CLVS1: variants seen among roughly 807,000 people sequenced by gnomAD.
CLVS1 encodes clavesin 1.
CLVS1 carries 10 observed loss-of-function variants against 33.1 expected under a neutral mutation model. That is an observed-to-expected ratio of 0.30 (90% CI 0.19 to 0.51). The LOEUF is 0.51. Ranked by LOEUF, CLVS1 falls within the 20% of genes least tolerant of loss-of-function variation. The probability of loss-of-function intolerance (pLI) is 0.97; values close to 1 mark genes in which losing one functional copy is unlikely to be tolerated. For missense variants in CLVS1, 343 were observed against 433.4 expected (o/e 0.79, Z 1.85); for synonymous variants, 163 against 166.1 (o/e 0.98, Z 0.14).
At chr8:61,309,377 T>C (rs551709945) in intron 2 of CLVS1, among the ~76,000 whole-genome samples, 38 of 152,300 alleles carry the variant, frequency 2.5e-4, no homozygotes, top group African/African-American at 8.7e-4. Flanking sequence ...TCCTGAAGGT[T>C]CCAAGGTTGC....
intron 1 of CLVS1, among the ~76,000 whole-genome samples, chr8:61,102,703 T>C (rs1805472507): frequency 6.6e-6 from 1 of 152,124 alleles, no homozygotes; most frequent in Non-Finnish European, 1.5e-5. Flanking sequence ...ACTGCTATCA[T>C]GGGGCTGAGG....
intron 1 of CLVS1, among the ~76,000 whole-genome samples, chr8:61,094,244 G>A (rs1287361746): frequency 3.9e-5 from 6 of 152,126 alleles, no homozygotes; most frequent in Admixed American, 3.9e-4. Flanking sequence ...TGGAAATCAT[G>A]TTTTCATCTC....
chr8:61,187,159 A>C (rs1297310073), intron 2 of CLVS1, among the ~76,000 whole-genome samples: 2 of 152,126 alleles, frequency 1.3e-5, no homozygotes, highest in Non-Finnish European at 2.9e-5. Flanking sequence ...AAAGACTCTC[A>C]TCCATTCAAT....
chr8:61,278,025 A>G (rs1402230495), intron 2 of CLVS1, among the ~76,000 whole-genome samples: 1 of 152,200 alleles, frequency 6.6e-6, no homozygotes, highest in Non-Finnish European at 1.5e-5. Context: ...AGCTGCCCTC[A>G]GTGGTTAACT....
intron 1 of CLVS1, among the ~76,000 whole-genome samples, chr8:61,126,187 C>G (rs1486003927): frequency 6.6e-6 from 1 of 152,124 alleles, no homozygotes; most frequent in Non-Finnish European, 1.5e-5. Context: ...CACACACACA[C>G]ATGCATGCAC....
At chr8:61,445,479 T>G (rs533140265) in intron 3 of CLVS1, among the ~76,000 whole-genome samples, 2 of 152,282 alleles carry the variant, frequency 1.3e-5, no homozygotes. Context: ...TCCTGCCATG[T>G]GATCTCTACA....
chr8:61,475,265 A>G (rs1208635831), intron 5 of CLVS1, among the ~76,000 whole-genome samples: 3 of 152,192 alleles, frequency 2.0e-5, no homozygotes, highest in African/African-American at 7.2e-5. Context: ...ATGCGTGTGC[A>G]TGTGTCTTTA....
chr8:61,214,483 G>A (rs370534808), intron 2 of CLVS1, among the ~76,000 whole-genome samples: 1 of 152,076 alleles, frequency 6.6e-6, no homozygotes, highest in Admixed American at 6.6e-5. Context: ...TGTGACTATC[G>A]GGGCAGGTTC....
At chr8:61,154,146 C>G (rs150013118) in intron 2 of CLVS1, among the ~76,000 whole-genome samples, 1 of 152,134 alleles carries the variant, frequency 6.6e-6, no homozygotes, top group East Asian at 1.9e-4. Flanking sequence ...GTAGTTTGGT[C>G]TTGCTTTGGC....
At chr8:61,328,148 T>C (rs1204533555) in intron 2 of CLVS1, among the ~76,000 whole-genome samples, 1 of 152,164 alleles carries the variant, frequency 6.6e-6, no homozygotes, top group African/African-American at 2.4e-5. Flanking sequence ...TGAACTTGCC[T>C]GAGACCATAG....
chr8:61,124,919 G>A (rs562672283), intron 1 of CLVS1, among the ~76,000 whole-genome samples: 19 of 152,252 alleles, frequency 1.2e-4, no homozygotes, highest in African/African-American at 4.1e-4. Context: ...AAGAGGAGTG[G>A]GAAACATCAG....
chr8:61,096,247 T>C (rs1298144441), intron 1 of CLVS1, among the ~76,000 whole-genome samples: 1 of 152,242 alleles, frequency 6.6e-6, no homozygotes. Flanking sequence ...CATTGACTTG[T>C]GGATGCAACA....
At chr8:61,186,065 C>T (rs966170027) in intron 2 of CLVS1, among the ~76,000 whole-genome samples, 1 of 152,156 alleles carries the variant, frequency 6.6e-6, no homozygotes, top group African/African-American at 2.4e-5. Context: ...GAGGATGCTT[C>T]CTACCTTCCA....
chr8:61,486,058 G>A (rs1164837941), intron 5 of CLVS1, among the ~76,000 whole-genome samples: 2 of 151,774 alleles, frequency 1.3e-5, no homozygotes, highest in East Asian at 1.9e-4. Flanking sequence ...TAACTAACCT[G>A]CACGTTGTGC....
the CLVS1 span, among the ~76,000 whole-genome samples, chr8:60,994,087 A>G: frequency 1.3e-5 from 2 of 152,304 alleles, no homozygotes; most frequent in South Asian, 2.1e-4. Context: ...GTTTCTTCAC[A>G]GTTTTGAAGG....
At chr8:61,154,457 A>T (rs1405120345) in intron 2 of CLVS1, among the ~76,000 whole-genome samples, 1 of 152,138 alleles carries the variant, frequency 6.6e-6, no homozygotes, top group Non-Finnish European at 1.5e-5. Context: ...CCATTTTTTG[A>T]TAGGGAGTGG....
chr8:61,320,109 T>G (rs929770230), intron 2 of CLVS1, among the ~76,000 whole-genome samples: 6 of 152,186 alleles, frequency 3.9e-5, no homozygotes, highest in African/African-American at 7.2e-5. Context: ...TTTATCCTTC[T>G]AATGATTCTG....
intron 2 of CLVS1, among the ~76,000 whole-genome samples, chr8:61,136,693 AGTGT>A (rs1471395244): frequency 2.0e-5 from 3 of 152,148 alleles, no homozygotes; most frequent in African/African-American, 7.2e-5. Flanking sequence ...TGGAGGGTGG[AGTGT>A]GGGAGGAGGG....
intron 1 of CLVS1, among the ~76,000 whole-genome samples, chr8:61,119,815 T>A (rs1805818429): frequency 8.3e-6 from 1 of 119,780 alleles, no homozygotes; most frequent in Non-Finnish European, 1.7e-5. Flanking sequence ...ATTTTTTCCT[T>A]CATTTCAACT....
Sources: allele counts gnomAD v4.1 joint callset (sites outside exome capture counted in the v4.1 genomes callset), GRCh38; gene constraint gnomAD v4.1.1; transcripts MANE v1.5; gene names NCBI Gene and HGNC (gene_info 2026-07-23, HGNC 2026-07-21).